TMEM248: variants seen among roughly 807,000 people sequenced by gnomAD.
The protein encoded by TMEM248 is UPF0458 protein C7orf42.
In TMEM248, 9 loss-of-function variants were observed where a neutral mutation model predicts 30.3. The observed-to-expected ratio is 0.30, with a 90% confidence interval of 0.18 to 0.52. The LOEUF (loss-of-function observed/expected upper bound fraction) is 0.52, where lower values mean the gene tolerates loss of function less well. TMEM248 is among the 20% of genes least tolerant of loss of function. The probability of loss-of-function intolerance (pLI) is 0.97; values close to 1 mark genes in which losing one functional copy is unlikely to be tolerated. For missense variants in TMEM248, 338 were observed against 403.3 expected (o/e 0.84, Z 1.39); for synonymous variants, 184 against 154.4 (o/e 1.19, Z -1.42).
chr7:66,938,869 A>G (rs1298608266), intron 1 of TMEM248, among the ~76,000 whole-genome samples: 1 of 152,254 alleles, frequency 6.6e-6, no homozygotes, highest in Non-Finnish European at 1.5e-5. Context: ...CCAGACTTGG[A>G]TTAATTATAC....
chr7:66,951,155 T>C lies in TMEM248; in HGVS notation c.780+20T>C. Reference sequence around the variant, plus strand: ...CCAGATGTAAGTGAGAAAAATTGTGTGTGTGTGTGTGCGTGCATGCATATG... The same window carrying C: ...CCAGATGTAAGTGAGAAAAATTGTGCGTGTGTGTGTGCGTGCATGCATATG... On this transcript the variant is annotated intron_variant, in intron 5 of 6. Coordinates refer to ENST00000341567, the MANE Select transcript of TMEM248 (RefSeq NM_017994.5). 1 of 1,555,518 alleles carries C rather than the reference T, an allele frequency of 6.4e-7. No homozygotes were observed. The highest frequency in any genetic ancestry group is 8.7e-7 in the Non-Finnish European group (1 of 1,151,082).
intron 4 of TMEM248, 77 bp downstream of exon 4, chr7:66,948,771 T>C: frequency 1.3e-6 from 2 of 1,504,686 alleles, no homozygotes; most frequent in Admixed American, 2.0e-5. Flanking sequence ...GCTTCAGCTG[T>C]AAATTCTCAG....
In TMEM248 at chr7:66,957,682, G is replaced by A. The variant is rs975443016; in HGVS notation, c.*2160G>A. 6.6e-6 allele frequency: 1 copy of A among 152,210 alleles called. No individual in the cohort carries two copies. The highest frequency in any genetic ancestry group is 1.5e-5 in the Non-Finnish European group (1 of 68,040). 9.4% of individuals were successfully genotyped at this position (152,210 alleles called of 1,614,324 possible). ...AGAGTGGTATCAAAGGAGAAAAACA[G>A]TGAAAAAGCCAATTTCACTGGTTCG... On this transcript the variant is annotated 3_prime_UTR_variant, in exon 7 of 7. Transcript: ENST00000341567.
rs113294828 is a variant in TMEM248 at position 66,950,961 on chromosome 7, G to A, written c.606G>A (p.Pro202=). 5.0e-6 allele frequency: 8 copies of A among 1,585,446 alleles called. No individual in the cohort carries two copies. The highest frequency in any genetic ancestry group is 2.7e-5 in the African/African-American group (2 of 74,024). ...PGVFPVTVQP[P]HCVPDTYSNA... ...TCCTCTTCTCCTGCAGACAGCCACC[G>A]CACTGTGTTCCTGACACGTACAGCA... Residue 202 remains proline, a synonymous_variant, in exon 5 of 7, where the codon CCG becomes CCA. Transcript: ENST00000341567.
At chr7:66,945,809 G>A (rs772959365) in intron 3 of TMEM248, among the ~76,000 whole-genome samples, 1 of 152,142 alleles carries the variant, frequency 6.6e-6, no homozygotes, top group Non-Finnish European at 1.5e-5. Context: ...AAATTGGCCG[G>A]GCGCGGTGGC....
intron 2 of TMEM248, 111 bp from the exon 3 acceptor site, chr7:66,944,865 A>T: frequency 3.5e-6 from 4 of 1,130,516 alleles, no homozygotes; most frequent in Non-Finnish European, 5.1e-6. Context: ...TCAGCTCTGA[A>T]TTGTAGTTTG....
chr7:66,931,874 G>A (rs1194294739), intron 1 of TMEM248, among the ~76,000 whole-genome samples: 1 of 138,226 alleles, frequency 7.2e-6, no homozygotes. Flanking sequence ...GTGCTATCTC[G>A]GCTCACTGCA....
At chr7:66,953,145 C>A in intron 5 of TMEM248, 81 bp from the exon 6 acceptor site, 2 of 1,494,864 alleles carry the variant, frequency 1.3e-6, no homozygotes, top group South Asian at 1.2e-5. Flanking sequence ...GGCTGTCAAT[C>A]CTGTCTCTCA....
intron 1 of TMEM248, among the ~76,000 whole-genome samples, chr7:66,930,317 G>C (rs1354341952): frequency 6.6e-6 from 1 of 152,182 alleles, no homozygotes; most frequent in African/African-American, 2.4e-5. Context: ...GAGGTGAGTA[G>C]GTACATAAAA....
In TMEM248 at chr7:66,958,342, T is replaced by TG. The variant is rs1190494925; in HGVS notation, c.*2821dup. 6.5e-6 allele frequency: 1 copy of TG among 152,720 alleles called. No individual in the cohort carries two copies. The highest frequency in any genetic ancestry group is 1.5e-5 in the Non-Finnish European group (1 of 68,054). The allele number at this position is 152,720 out of a possible 1,614,324, so 9.5% of individuals were successfully genotyped here. A position where few individuals can be genotyped will look rare whatever the true frequency, so the allele number is the denominator to read the frequency against. The stretch of plus-strand genomic sequence containing the variant: ...GTCGTGAGGCACCTGCCATGTCTGT[T>TG]GCGTTTTCCTCGGCAGCGTGTAGGG... On this transcript the variant is annotated 3_prime_UTR_variant, in exon 7 of 7. Transcript: ENST00000341567.
chr7:66,945,174 C>G lies in TMEM248; in HGVS notation c.358C>G (p.Leu120Val). 1 of 1,614,224 alleles carries G rather than the reference C, an allele frequency of 6.2e-7. No homozygotes were observed. Among genetic ancestry groups the G allele is most frequent in the South Asian group, 1.1e-5 (1 of 91,090 alleles). Residue 120 changes from leucine (L) to valine (V), a missense_variant, in exon 3 of 7, where the codon CTG (leucine) becomes GTG (valine). Transcript: ENST00000341567. Reference sequence around the variant, plus strand: ...TATCTCAGTCTCAATCACCCTAACCCTGGACCCACTGAAACCCTTCGGAGG... The same window carrying G: ...TATCTCAGTCTCAATCACCCTAACCGTGGACCCACTGAAACCCTTCGGAGG... ...VNISVSITLT[L>V]DPLKPFGGYS...
chr7:66,948,817 C>T, intron 4 of TMEM248, 123 bp downstream of exon 4: 1 of 1,011,924 alleles, frequency 9.9e-7, no homozygotes, highest in Admixed American at 2.8e-5. Flanking sequence ...AGAATTATCT[C>T]TACTCGGACC....
chr7:66,935,475 G>A (rs773065824), intron 1 of TMEM248, among the ~76,000 whole-genome samples: 26 of 152,112 alleles, frequency 1.7e-4, no homozygotes, highest in African/African-American at 4.8e-4. Flanking sequence ...GAGCCACTGC[G>A]TCTGGCCCCA....
chr7:66,936,814 T>A (rs903053011), intron 1 of TMEM248, among the ~76,000 whole-genome samples: 6 of 152,220 alleles, frequency 3.9e-5, no homozygotes, highest in Non-Finnish European at 5.9e-5. Context: ...CTTTTTCATG[T>A]CTGATACTAT....
chr7:66,927,567 A>G (rs907925109), intron 1 of TMEM248, among the ~76,000 whole-genome samples: 2 of 150,250 alleles, frequency 1.3e-5, no homozygotes, highest in Admixed American at 1.3e-4. Flanking sequence ...TGCCCTCCCA[A>G]TTAGCTGGGA....
chr7:66,923,647 A>C (rs761475196), intron 1 of TMEM248, among the ~76,000 whole-genome samples: 58 of 152,102 alleles, frequency 3.8e-4, no homozygotes, highest in Non-Finnish European at 7.2e-4. Flanking sequence ...AGCATAAGCT[A>C]CCCAGTCTAG....
intron 4 of TMEM248, 47 bp downstream of exon 4, chr7:66,948,741 G>A (rs746547345): frequency 6.3e-7 from 1 of 1,578,096 alleles, no homozygotes; most frequent in Non-Finnish European, 8.7e-7. Flanking sequence ...AGCTCCACTT[G>A]CCGTGAGTAC....
intron 5 of TMEM248, among the ~76,000 whole-genome samples, chr7:66,952,571 C>T (rs1562945621): frequency 2.0e-5 from 3 of 152,118 alleles, no homozygotes; most frequent in African/African-American, 7.2e-5. Context: ...CTGGGGGAGC[C>T]CAGAGCTGTC....
intron 2 of TMEM248, among the ~76,000 whole-genome samples, chr7:66,943,519 T>C (rs1307510377): frequency 1.3e-5 from 2 of 152,208 alleles, no homozygotes; most frequent in African/African-American, 4.8e-5. Context: ...CATTTGGGGC[T>C]GTGAATCAGA....
Sources: gnomAD v4.1 joint callset for allele counts (sites outside exome capture counted in the v4.1 genomes callset) on GRCh38, gnomAD v4.1.1 for gene constraint, MANE v1.5 for transcripts, NCBI Gene and HGNC (gene_info 2026-07-23, HGNC 2026-07-21) for gene names.